Variants in USP6NL observed in about 807,000 individuals in gnomAD.
USP6NL encodes USP6 N-terminal like.
In USP6NL, 26 loss-of-function variants were observed where a neutral mutation model predicts 61.9. The ratio of observed to expected loss-of-function variants is 0.42; its 90% CI spans 0.31 to 0.58. USP6NL has a LOEUF of 0.58. USP6NL is among the 20% of genes least tolerant of loss of function. The pLI is 0.16. For synonymous variants in USP6NL, 432 were observed against 390.1 expected (o/e 1.11, Z -1.27); for missense variants, 1,114 against 1,034.3 (o/e 1.08, Z -1.06).
At chr10:11,508,699 G>A (rs1450429482) in intron 6 of USP6NL, among the ~76,000 whole-genome samples, 2 of 152,212 alleles carry the variant, frequency 1.3e-5, no homozygotes, top group Non-Finnish European at 2.9e-5. Context: ...TGACGAGACG[G>A]GAAGTGCATA....
chr10:11,607,608 C>G (rs1194000540), intron 1 of USP6NL, among the ~76,000 whole-genome samples: 1 of 152,122 alleles, frequency 6.6e-6, no homozygotes, highest in African/African-American at 2.4e-5. Context: ...ATCGCTTGAG[C>G]CTGGAAGGCA....
chr10:11,541,244 TA>T (rs1836046577), intron 2 of USP6NL, among the ~76,000 whole-genome samples: 1 of 116,932 alleles, frequency 8.6e-6, no homozygotes, highest in Non-Finnish European at 1.8e-5. Context: ...TATATATATA[TA>T]TATATATATA....
chr10:11,598,689 AT>A lies in USP6NL; in HGVS notation c.-83-973del, dbSNP rs1455602100. On this transcript the variant is annotated intron_variant, in intron 1 of 14. Transcript: ENST00000609104. This position sits in a 1 kb window ranked among gnomAD's most constrained non-coding sequence, Gnocchi z 4.7. ...CTTCCAATCACAATAGGTGATGGTT[AT>A]TTTCTAAATCAATTAAGAAAACAGT... Among the ~76,000 whole-genome samples, 1 of 152,204 alleles carries A rather than the reference AT, an allele frequency of 6.6e-6. No homozygotes were observed. Among genetic ancestry groups the A allele is most frequent in the African/African-American group, 2.4e-5 (1 of 41,442 alleles).
At position 11,462,361 on chromosome 10, in the gene USP6NL, T is replaced by C. The variant is rs1034942315; in HGVS notation, c.*80A>G. 2.7e-6 allele frequency: 4 copies of C among 1,469,624 alleles called. No homozygotes were observed. The South Asian group carries it at 4.1e-5, about 15-fold the overall frequency. The allele number at this position is 1,469,624 out of a possible 1,614,324, so 91.0% of individuals were successfully genotyped here. The stretch of plus-strand genomic sequence containing the variant: ...TGCGAGTTGTTTACAATAGTATAAA[T>C]ACTGCTTTGGCAATTATGAACATAG... On this transcript the variant is annotated 3_prime_UTR_variant, in exon 15 of 15. Transcript: ENST00000609104.
At chr10:11,488,592 GA>G (rs1206404671) in intron 10 of USP6NL, among the ~76,000 whole-genome samples, 1 of 152,072 alleles carries the variant, frequency 6.6e-6, no homozygotes, top group Non-Finnish European at 1.5e-5. Context: ...AATTTTATGT[GA>G]AAAAACAAAA....
At chr10:11,536,754 A>G (rs529389748) in intron 2 of USP6NL, among the ~76,000 whole-genome samples, 1 of 152,312 alleles carries the variant, frequency 6.6e-6, no homozygotes, top group South Asian at 2.1e-4. Context: ...TGCATCTCCC[A>G]TAACTACATT....
intron 2 of USP6NL, chr10:11,573,557 A>G: frequency 2.5e-6 from 1 of 398,714 alleles, no homozygotes; most frequent in African/African-American, 2.1e-5. Flanking sequence ...ATACTTAGCA[A>G]AATCTGAGTG....
rs1214458614 is a variant in USP6NL, at chr10:11,461,270, T to TTAAAA, written c.*1170_*1171insTTTTA. 1 of 117,176 alleles carries TTAAAA rather than the reference T, an allele frequency of 8.5e-6. No homozygotes were observed. The highest frequency in any genetic ancestry group is 1.8e-5 in the Non-Finnish European group (1 of 54,278). 7.3% of individuals were successfully genotyped at this position (117,176 alleles called of 1,614,324 possible). A position where few individuals can be genotyped will look rare whatever the true frequency, so the allele number is the denominator to read the frequency against. On this transcript the variant is annotated 3_prime_UTR_variant, in exon 15 of 15. Coordinates refer to ENST00000609104, the MANE Select transcript of USP6NL (RefSeq NM_014688.5). ...AGCCAAGAACTTGAATTTGTTTCAA[T>TTAAAA]GAAAAAAAGATGTTCAAAAGCATGA...
intron 6 of USP6NL, among the ~76,000 whole-genome samples, chr10:11,507,709 C>A (rs560578477): frequency 6.6e-6 from 1 of 152,108 alleles, no homozygotes; most frequent in East Asian, 1.9e-4. Context: ...CAGGTTTTCC[C>A]AACTTTATTT....
At position 11,562,837 on chromosome 10, in the gene USP6NL, G is replaced by A; in HGVS notation, c.4+34794C>T. On this transcript the variant is annotated intron_variant, in intron 2 of 14. Transcript: ENST00000609104. This position sits in a 1 kb window ranked among gnomAD's most constrained non-coding sequence, Gnocchi z 4.8. ...GTAAATAAGTTTTAGAAGAATAATA[G>A]TAAGGGTCTTTTGGTAGTTTCTTGA... The A allele has an allele frequency of 2.1e-6, 2 of 949,156 alleles. No homozygotes were observed. Among genetic ancestry groups the A allele is most frequent in the Non-Finnish European group, 1.3e-6 (1 of 797,068 alleles). The allele number at this position is 949,156 out of a possible 1,614,324, so 58.8% of individuals were successfully genotyped here. A position where few individuals can be genotyped will look rare whatever the true frequency, so the allele number is the denominator to read the frequency against.
chr10:11,567,910 C>T (rs1203876864), intron 2 of USP6NL, among the ~76,000 whole-genome samples: 1 of 152,158 alleles, frequency 6.6e-6, no homozygotes, highest in Non-Finnish European at 1.5e-5. Flanking sequence ...TTGCTCAAGG[C>T]TAAACAGCAA....
At chr10:11,554,234 C>G (rs1250298781) in intron 2 of USP6NL, among the ~76,000 whole-genome samples, 1 of 152,174 alleles carries the variant, frequency 6.6e-6, no homozygotes, top group African/African-American at 2.4e-5. Flanking sequence ...CAAGGGTTTT[C>G]AGTTTCACAT....
At chr10:11,569,415 T>G (rs1364435632) in intron 2 of USP6NL, among the ~76,000 whole-genome samples, 1 of 152,236 alleles carries the variant, frequency 6.6e-6, no homozygotes, top group Admixed American at 6.5e-5. Context: ...AACAAATGTA[T>G]TGCAATTAAC....
chr10:11,557,656 C>T (rs186296358), intron 2 of USP6NL, among the ~76,000 whole-genome samples: 1 of 152,162 alleles, frequency 6.6e-6, no homozygotes, highest in African/African-American at 2.4e-5. Flanking sequence ...ATTGATGACA[C>T]GAAAGAACAA....
rs1042884328 is a variant in USP6NL, at chr10:11,528,191, C to G, written c.5-624G>C. The stretch of plus-strand genomic sequence containing the variant: ...ATCCTTATTAACATTAGGAGACTTT[C>G]AAAAACATAAATCTGACAACAAAAG... On this transcript the variant is annotated intron_variant, in intron 2 of 14. Coordinates refer to ENST00000609104, the MANE Select transcript of USP6NL (RefSeq NM_014688.5). This position sits in a 1 kb window ranked among gnomAD's most constrained non-coding sequence, Gnocchi z 4.6. Among the ~76,000 whole-genome samples, 7 of 150,578 alleles carry G rather than the reference C, an allele frequency of 4.6e-5. No homozygotes were observed. Among genetic ancestry groups the G allele is most frequent in the African/African-American group, 1.5e-4 (6 of 40,866 alleles).
rs1412833997 is a variant in USP6NL at position 11,574,817 on chromosome 10, A to AAAACTGAGCACAGTGAAT, written c.4+22813_4+22814insATTCACTGTGCTCAGTTT. On this transcript the variant is annotated intron_variant, in intron 2 of 14. Transcript: ENST00000609104. The surrounding 1 kb of genome is among the most constrained non-coding windows in gnomAD (Gnocchi z 4.3). ...TGTTATTTTCCCATTTTTCAGCTGG[A>AAAACTGAGCACAGTGAAT]CAACTGAGCACAGTGAATCAACCAA... 4.6e-5 allele frequency among the ~76,000 whole-genome samples: 7 copies of AAAACTGAGCACAGTGAAT among 152,228 alleles called. No individual in the cohort carries two copies.
intron 2 of USP6NL, among the ~76,000 whole-genome samples, chr10:11,568,153 G>C (rs1355560110): frequency 6.9e-6 from 1 of 145,318 alleles, no homozygotes; most frequent in Non-Finnish European, 1.5e-5. Context: ...AGGTAGTTGT[G>C]TGTGTGTGTG....
rs1320238117 is a variant in USP6NL at position 11,495,637 on chromosome 10, GT to G, written c.385-2410del. Among the ~76,000 whole-genome samples, 2 of 152,042 alleles carry G rather than the reference GT, an allele frequency of 1.3e-5. No individual in the cohort carries two copies. The highest frequency in any genetic ancestry group is 2.9e-5 in the Non-Finnish European group (2 of 68,020). On this transcript the variant is annotated intron_variant, in intron 7 of 14. Transcript: ENST00000609104. The surrounding 1 kb of genome is among the most constrained non-coding windows in gnomAD (Gnocchi z 4.6). Reference sequence around the variant, plus strand: ...ATTTGTTATATTCATAAGCTCTGTTGTTTTTGAGTGTTCCTTTTTATAGCAT... The same window carrying G: ...ATTTGTTATATTCATAAGCTCTGTTGTTTTGAGTGTTCCTTTTTATAGCAT...
chr10:11,524,343 T>C (rs1480575695), intron 4 of USP6NL, among the ~76,000 whole-genome samples: 1 of 152,198 alleles, frequency 6.6e-6, no homozygotes, highest in Non-Finnish European at 1.5e-5. Context: ...TTTTACTTTT[T>C]CAAAGCCTCA....
Sources: gnomAD v4.1 joint callset for allele counts (sites outside exome capture counted in the v4.1 genomes callset) on GRCh38, gnomAD v4.1.1 for gene constraint, Gnocchi (gnomAD v3.1) non-coding constraint, MANE v1.5 for transcripts, NCBI Gene and HGNC (gene_info 2026-07-23, HGNC 2026-07-21) for gene names.